DYM: variants seen among roughly 807,000 people sequenced by gnomAD.
The protein encoded by DYM is dymeclin, also known as dyggve-Melchior-Clausen syndrome protein.
A neutral mutation model predicts 93.1 loss-of-function variants in DYM; 78 were observed. That is an observed-to-expected ratio of 0.84 (90% CI 0.70 to 1.01). The LOEUF is 1.01. Among genes scored for constraint, DYM ranks in the 50% least tolerant of loss-of-function variants. DYM has a pLI of 0.00. For missense variants in DYM, 789 were observed against 845.0 expected (o/e 0.93, Z 0.82); for synonymous variants, 321 against 319.7 (o/e 1.00, Z -0.04).
chr18:49,232,680 C>T (rs936412644), intron 13 of DYM, among the ~76,000 whole-genome samples: 2 of 145,066 alleles, frequency 1.4e-5, no homozygotes, highest in African/African-American at 5.1e-5. Context: ...GAGATCTCGG[C>T]TCACTGCAAC....
chr18:49,223,950 T>C lies in DYM; in HGVS notation c.1461-14235A>G, dbSNP rs185261121. On this transcript the variant is annotated intron_variant, in intron 13 of 17. Transcript: ENST00000675505. ...CAATGGGAAGTATCTGAAGAGTATATAGCAGAGGAGTCACAGGATGAGATC... is the reference window on the plus strand; with the variant it reads ...CAATGGGAAGTATCTGAAGAGTATACAGCAGAGGAGTCACAGGATGAGATC... 3.9e-5 allele frequency among the ~76,000 whole-genome samples: 6 copies of C among 152,212 alleles called. No homozygotes were observed. In the East Asian group the frequency reaches 9.6e-4, roughly 24 times the overall value.
chr18:49,384,190 G>A (rs1352469793), intron 3 of DYM, among the ~76,000 whole-genome samples: 4 of 151,866 alleles, frequency 2.6e-5, no homozygotes, highest in African/African-American at 7.3e-5. Context: ...AGGTGTGGTT[G>A]CGCATGCCTA....
At chr18:49,415,927 CAAA>C (rs80304487) in intron 2 of DYM, among the ~76,000 whole-genome samples, 5 of 84,454 alleles carry the variant, frequency 5.9e-5, no homozygotes, top group Non-Finnish European at 7.3e-5. Flanking sequence ...AACTCTGACT[CAAA>C]AAAAAAAAAA....
intron 8 of DYM, among the ~76,000 whole-genome samples, chr18:49,297,025 G>A (rs979607927): frequency 1.3e-5 from 2 of 152,090 alleles, no homozygotes; most frequent in Admixed American, 6.5e-5. Context: ...ACTTACTGAA[G>A]GATGTTTTTA....
At chr18:49,392,717 A>G (rs2069426904) in intron 2 of DYM, among the ~76,000 whole-genome samples, 1 of 131,094 alleles carries the variant, frequency 7.6e-6, no homozygotes, top group Non-Finnish European at 1.6e-5. Context: ...AAAAGAGGCC[A>G]GGCGAGGTGG....
Position 49,383,855 on chromosome 18 carries a change from TAAC to T in DYM, c.194-4100_194-4098del, listed in dbSNP as rs369517423. ...TGTTAGTTTAATGAAAAGGAGAAAA[TAAC>T]AACAACAGCAACCAGAGGATAAGAA... On this transcript the variant is annotated intron_variant, in intron 3 of 17. Transcript: ENST00000675505. Among the ~76,000 whole-genome samples, 550 of 151,950 alleles carry T rather than the reference TAAC, an allele frequency of 3.6e-3. 9 individuals carry two copies. Among genetic ancestry groups the T allele is most frequent in the African/African-American group, 0.013 (519 of 41,434 alleles).
intron 11 of DYM, among the ~76,000 whole-genome samples, chr18:49,265,564 A>G (rs2094555702): frequency 6.6e-6 from 1 of 152,134 alleles, no homozygotes; most frequent in Admixed American, 6.5e-5. Flanking sequence ...GAATCACCTG[A>G]GGTCGCGAGT....
chr18:49,178,719 T>C (rs1458497707), intron 14 of DYM, among the ~76,000 whole-genome samples: 3 of 152,088 alleles, frequency 2.0e-5, no homozygotes, highest in Non-Finnish European at 4.4e-5. Context: ...GAAATAACCA[T>C]GGATTAAATG....
chr18:49,241,624 A>G (rs921195246), intron 13 of DYM, among the ~76,000 whole-genome samples: 2 of 152,200 alleles, frequency 1.3e-5, no homozygotes, highest in African/African-American at 4.8e-5. Context: ...GAGGGACCAA[A>G]TAATAAATGG....
chr18:49,305,286 A>G (rs1224266018), intron 8 of DYM, among the ~76,000 whole-genome samples: 1 of 152,182 alleles, frequency 6.6e-6, no homozygotes, highest in Non-Finnish European at 1.5e-5. Flanking sequence ...GCAGTTACAT[A>G]TAGCTGAAGA....
chr18:49,459,230 A>G (rs1000006829), intron 1 of DYM, among the ~76,000 whole-genome samples: 17 of 152,272 alleles, frequency 1.1e-4, no homozygotes, highest in Non-Finnish European at 1.3e-4. Flanking sequence ...ATTTTGCCCT[A>G]TGTACTCAGT....
At chr18:49,414,993 C>CT (rs544832217) in intron 2 of DYM, among the ~76,000 whole-genome samples, 16 of 150,820 alleles carry the variant, frequency 1.1e-4, no homozygotes, top group Admixed American at 2.0e-4. Context: ...AAAATACTTC[C>CT]TTTTTTTTTG....
Position 49,407,875 on chromosome 18 carries a change from AG to A in DYM, c.141-16231del, listed in dbSNP as rs573658773. On this transcript the variant is annotated intron_variant, in intron 2 of 17. Transcript: ENST00000675505. ...AGTTACAAGAAACTATGGGAGCTAA[AG>A]AACCACCCTGTACATTTTTGCAACC... Among the ~76,000 whole-genome samples, 26 of 152,330 alleles carry A rather than the reference AG, an allele frequency of 1.7e-4. No homozygotes were observed. The South Asian group carries it at 4.3e-3, about 25-fold the overall frequency.
chr18:49,340,440 G>A (rs553504407), intron 6 of DYM, among the ~76,000 whole-genome samples: 4 of 152,160 alleles, frequency 2.6e-5, no homozygotes, highest in African/African-American at 9.6e-5. Flanking sequence ...TACATATGTA[G>A]AAGTAAACAT....
intron 17 of DYM, among the ~76,000 whole-genome samples, chr18:49,089,228 A>G (rs1318685895): frequency 1.3e-5 from 2 of 152,220 alleles, no homozygotes; most frequent in Non-Finnish European, 2.9e-5. Flanking sequence ...GGTATAGAGC[A>G]AGTGCTCAAT....
chr18:49,453,382 G>C (rs1235134686), intron 1 of DYM, among the ~76,000 whole-genome samples: 1 of 152,144 alleles, frequency 6.6e-6, no homozygotes, highest in East Asian at 1.9e-4. Flanking sequence ...TTCGCTCTTT[G>C]CAATAAATCT....
At chr18:49,281,678 T>A (rs369560509) in intron 10 of DYM, among the ~76,000 whole-genome samples, 5 of 152,070 alleles carry the variant, frequency 3.3e-5, no homozygotes, top group African/African-American at 1.2e-4. Flanking sequence ...CTGGAAACCA[T>A]CATTCTCAGC....
chr18:49,316,424 T>C (rs2061945214), intron 8 of DYM, among the ~76,000 whole-genome samples: 1 of 152,182 alleles, frequency 6.6e-6, no homozygotes, highest in Non-Finnish European at 1.5e-5. Flanking sequence ...CCAGAACTAA[T>C]ATATCTGAAA....
chr18:49,393,369 G>A (rs985275802), intron 2 of DYM, among the ~76,000 whole-genome samples: 8 of 152,194 alleles, frequency 5.3e-5, no homozygotes, highest in Admixed American at 2.6e-4. Flanking sequence ...GTCCATGGCA[G>A]CTCCACTAAC....
Sources: allele counts gnomAD v4.1 joint callset (sites outside exome capture counted in the v4.1 genomes callset), GRCh38; gene constraint gnomAD v4.1.1; transcripts MANE v1.5; gene names NCBI Gene and HGNC (gene_info 2026-07-23, HGNC 2026-07-21).